Variants in AMOTL1 observed in about 807,000 individuals in gnomAD.
AMOTL1 encodes angiomotin like 1.
A neutral mutation model predicts 102.9 loss-of-function variants in AMOTL1; 45 were observed. The observed-to-expected ratio is 0.44, with a 90% confidence interval of 0.34 to 0.56. The LOEUF is 0.56. AMOTL1 is among the 20% of genes least tolerant of loss of function. The pLI, the probability that AMOTL1 is intolerant of heterozygous loss-of-function variation, is 0.01. For missense variants in AMOTL1, 1,114 were observed against 1,225.6 expected (o/e 0.91, Z 1.36); for synonymous variants, 481 against 484.7 (o/e 0.99, Z 0.10).
In AMOTL1 at chr11:94,787,955, A is replaced by T. The variant is rs562238701; in HGVS notation, c.50-7056A>T. Among the ~76,000 whole-genome samples the T allele has an allele frequency of 7.9e-5, 12 of 152,310 alleles. No homozygotes were observed. The East Asian group carries it at 2.3e-3, about 29-fold the overall frequency. On this transcript the variant is annotated intron_variant, in intron 1 of 12. Transcript: ENST00000433060. ...CTGGGAACCCAGCCAGAGATACGCTACTTGTCTTGTTAGGGTGAGGTCACC... is the reference window on the plus strand; with the variant it reads ...CTGGGAACCCAGCCAGAGATACGCTTCTTGTCTTGTTAGGGTGAGGTCACC...
rs967289083 is a variant in AMOTL1 at position 94,804,422 on chromosome 11, C to T, written c.1121+4111C>T. Among the ~76,000 whole-genome samples, 8 of 152,226 alleles carry T rather than the reference C, an allele frequency of 5.3e-5. No homozygotes were observed. The South Asian group carries it at 6.2e-4, about 12-fold the overall frequency. ...CCCATCATAGTCTCCCCAGTAGCTGCGATTACAGGCATGTGCCACCGTGCC... is the reference window on the plus strand; with the variant it reads ...CCCATCATAGTCTCCCCAGTAGCTGTGATTACAGGCATGTGCCACCGTGCC... On this transcript the variant is annotated intron_variant, in intron 3 of 12. Coordinates refer to ENST00000433060, the MANE Select transcript of AMOTL1 (RefSeq NM_130847.3).
intron 3 of AMOTL1, among the ~76,000 whole-genome samples, chr11:94,751,577 G>C (rs764887572): frequency 6.6e-6 from 1 of 152,058 alleles, no homozygotes; most frequent in Non-Finnish European, 1.5e-5. Context: ...GGTTTGCAAA[G>C]TGATATTACA....
intron 1 of AMOTL1, among the ~76,000 whole-genome samples, chr11:94,717,336 A>G (rs1010598456): frequency 1.3e-5 from 2 of 148,954 alleles, no homozygotes; most frequent in Non-Finnish European, 3.0e-5. Context: ...AGGAAAAGCA[A>G]TATGAGAGAG....
intron 3 of AMOTL1, among the ~76,000 whole-genome samples, chr11:94,803,895 A>G (rs1357403913): frequency 6.6e-6 from 1 of 152,244 alleles, no homozygotes; most frequent in Non-Finnish European, 1.5e-5. Context: ...TTTTTCCTGT[A>G]CAAATTAATT....
chr11:94,866,833 G>T (rs1245872477), intron 11 of AMOTL1: 1 of 153,268 alleles, frequency 6.5e-6, no homozygotes, highest in Non-Finnish European at 1.5e-5. Context: ...ATAAGGTAGG[G>T]GTGGTAAGTT....
At position 94,808,965 on chromosome 11, in the gene AMOTL1, C is replaced by CTTTTTTTT. The variant is rs199619372; in HGVS notation, c.1121+8670_1121+8677dup. 4.3e-3 allele frequency among the ~76,000 whole-genome samples: 484 copies of CTTTTTTTT among 111,806 alleles called. 1 individual carries two copies. Among genetic ancestry groups the CTTTTTTTT allele is most frequent in the Non-Finnish European group, 6.3e-3 (340 of 54,072 alleles). 73.3% of individuals were successfully genotyped at this position (111,806 alleles called of 152,430 possible). On this transcript the variant is annotated intron_variant, in intron 3 of 12. Coordinates refer to ENST00000433060, the MANE Select transcript of AMOTL1 (RefSeq NM_130847.3). Reference sequence around the variant, plus strand: ...AGTCTCTAAATTCTTTTCTTTCTTTCTTTTTTTTTTTTTTTTTTTTTTTGA... The same window carrying CTTTTTTTT: ...AGTCTCTAAATTCTTTTCTTTCTTTCTTTTTTTTTTTTTTTTTTTTTTTTTTTTTTTGA...
At chr11:94,717,362 T>C (rs1265823483) in intron 1 of AMOTL1, among the ~76,000 whole-genome samples, 1 of 148,102 alleles carries the variant, frequency 6.8e-6, no homozygotes, top group African/African-American at 2.5e-5. Context: ...CTAGTCATAC[T>C]AGATAATTAA....
At position 94,825,208 on chromosome 11, in the gene AMOTL1, C is replaced by T. The variant is rs1336760369; in HGVS notation, c.1413+3387C>T. ...GCCTTGAAAGCCATCAGGGAATAGA[C>T]GGGCACTTGATGGGAGAGGGCCAAG... On this transcript the variant is annotated intron_variant, in intron 4 of 12. Transcript: ENST00000433060. Among the ~76,000 whole-genome samples, 8 of 152,256 alleles carry T rather than the reference C, an allele frequency of 5.3e-5. No individual in the cohort carries two copies. In the Middle Eastern group the frequency reaches 0.014, roughly 259 times the overall value.
chr11:94,855,913 A>G (rs1300799304), intron 8 of AMOTL1, among the ~76,000 whole-genome samples: 1 of 152,144 alleles, frequency 6.6e-6, no homozygotes, highest in African/African-American at 2.4e-5. Context: ...CTCTCCCGGG[A>G]AATTACTCTG....
At chr11:94,794,845 T>C (rs1007247045) in intron 1 of AMOTL1, among the ~76,000 whole-genome samples, 166 bp from the exon 2 acceptor site, 1 of 152,214 alleles carries the variant, frequency 6.6e-6, no homozygotes. Flanking sequence ...GCTGGACTTG[T>C]GATAATTCTG....
At chr11:94,757,675 A>G (rs1246792099) in intron 3 of AMOTL1, among the ~76,000 whole-genome samples, 2 of 152,324 alleles carry the variant, frequency 1.3e-5, no homozygotes, top group African/African-American at 4.8e-5. Context: ...ATCACTAACC[A>G]CAATGGGGCA....
At chr11:94,740,293 G>A (rs965869227) in intron 2 of AMOTL1, 5 of 152,266 alleles carry the variant, frequency 3.3e-5, no homozygotes, top group Non-Finnish European at 5.9e-5. Flanking sequence ...AGCATCAGAG[G>A]AGGGCAGACA....
intron 7 of AMOTL1, among the ~76,000 whole-genome samples, chr11:94,852,436 C>A (rs920541080): frequency 6.6e-6 from 1 of 152,220 alleles, no homozygotes; most frequent in Non-Finnish European, 1.5e-5. Flanking sequence ...ATTGAATACA[C>A]CCAGGTGCGG....
chr11:94,842,857 A>G (rs886813672), intron 6 of AMOTL1, among the ~76,000 whole-genome samples: 2 of 152,056 alleles, frequency 1.3e-5, no homozygotes, highest in African/African-American at 4.8e-5. Context: ...TCCCTCTCCC[A>G]GGGTTCTGCA....
intron 3 of AMOTL1, among the ~76,000 whole-genome samples, chr11:94,817,705 C>T (rs961196418): frequency 1.3e-5 from 2 of 152,046 alleles, no homozygotes; most frequent in South Asian, 2.1e-4. Flanking sequence ...TTTTTATAAT[C>T]AGCTATAGGA....
At chr11:94,718,237 T>G (rs1483666449) in intron 1 of AMOTL1, among the ~76,000 whole-genome samples, 1 of 152,054 alleles carries the variant, frequency 6.6e-6, no homozygotes, top group Non-Finnish European at 1.5e-5. Context: ...TACAGGAAAT[T>G]TGTCAATTTC....
exon 2 of AMOTL1, chr11:94,729,032 A>G (rs1380147090): frequency 2.3e-6 from 3 of 1,289,122 alleles, no homozygotes; most frequent in Non-Finnish European, 3.0e-6. Context: ...GCTGGAATTC[A>G]TCATTTTGCC....
chr11:94,768,526 G>T lies in AMOTL1; in HGVS notation c.15G>T (p.Lys5Asn), dbSNP rs757918959. Residue 5 changes from lysine to asparagine, a missense_variant, in exon 1 of 13, where the codon AAG (lysine) becomes AAT (asparagine). By Grantham distance (94) the Lys-to-Asn change is moderately conservative (BLOSUM62 0). Coordinates refer to ENST00000433060, the MANE Select transcript of AMOTL1 (RefSeq NM_130847.3). MWRA[K>N]LRRGTCEPAV... is the part of the protein sequence containing the mutation. ...ATGATCGCCTCATGTGGAGGGCAAA[G>T]TTGCGCCGGGGAACTTGTGAGCCTG... 1.2e-6 allele frequency: 2 copies of T among 1,602,134 alleles called. No individual in the cohort carries two copies. The highest frequency in any genetic ancestry group is 1.7e-6 in the Non-Finnish European group (2 of 1,174,888).
chr11:94,755,762 A>AGATGCCTG (rs1950716073), intron 3 of AMOTL1, among the ~76,000 whole-genome samples: 1 of 152,164 alleles, frequency 6.6e-6, no homozygotes, highest in Admixed American at 6.5e-5. Context: ...CCACGGCAGC[A>AGATGCCTG]TCTAGGGTTG....
Sources: gnomAD v4.1 joint callset for allele counts (sites outside exome capture counted in the v4.1 genomes callset) on GRCh38, gnomAD v4.1.1 for gene constraint, MANE v1.5 for transcripts, NCBI Gene and HGNC (gene_info 2026-07-23, HGNC 2026-07-21) for gene names.